ADGRE2: variants seen among roughly 807,000 people sequenced by gnomAD.
ADGRE2 encodes the protein CD97 antigen.
ADGRE2 carries 83 observed loss-of-function variants against 100.8 expected under a neutral mutation model. The ratio of observed to expected loss-of-function variants is 0.82; its 90% confidence interval spans 0.69 to 0.99. The LOEUF (loss-of-function observed/expected upper bound fraction) is 0.99. Among genes scored for constraint, ADGRE2 ranks in the 50% least tolerant of loss-of-function variants. The pLI is 0.00. For synonymous variants in ADGRE2, 355 were observed against 413.0 expected (o/e 0.86, Z 1.70); for missense variants, 814 against 1,035.7 (o/e 0.79, Z 2.94).
intron 11 of ADGRE2, among the ~76,000 whole-genome samples, chr19:14,760,459 A>G (rs186740726): frequency 8.2e-4 from 125 of 152,268 alleles, no homozygotes; most frequent in Middle Eastern, 3.4e-3. Context: ...GCTGCTTTGG[A>G]AAAAGTTTGG....
intron 20 of ADGRE2, chr19:14,742,028 A>T (rs975305596): frequency 1.5e-5 from 6 of 398,386 alleles, no homozygotes; most frequent in Non-Finnish European, 2.2e-5. Context: ...GGCTCAAGTG[A>T]TCTTCCTGCT....
chr19:14,764,595 G>A lies in ADGRE2; in HGVS notation c.922C>T (p.Leu308=). ...CCAGGGGCCTCCAGCAGCTCATCCAGCGCCTGTAAGATGCTCTGGAGGGAT... is the reference window on the plus strand; with the variant it reads ...CCAGGGGCCTCCAGCAGCTCATCCAACGCCTGTAAGATGCTCTGGAGGGAT... The part of the protein sequence containing the change: ...NNTIQSILQA[L]DELLEAPGDL... The change falls in exon 11 of 21, where the codon CTG becomes TTG. Residue 308 remains leucine (L), a synonymous_variant. Coordinates refer to ENST00000315576, the MANE Select transcript of ADGRE2 (RefSeq NM_013447.4). 6.2e-7 allele frequency: 1 copy of A among 1,612,166 alleles called. No individual in the cohort carries two copies. Among genetic ancestry groups the A allele is most frequent in the Middle Eastern group, 1.7e-4 (1 of 5,906 alleles).
chr19:14,730,204 G>A (rs573778337), downstream of ADGRE2, among the ~76,000 whole-genome samples: 55 of 152,164 alleles, frequency 3.6e-4, no homozygotes, highest in Non-Finnish European at 6.8e-4. Flanking sequence ...ACAGGTGCCC[G>A]TGACCATGCC....
intron 3 of ADGRE2, 36 bp from the exon 4 acceptor site, chr19:14,774,090 G>A (rs761810321): frequency 6.3e-7 from 1 of 1,591,062 alleles, no homozygotes; most frequent in Admixed American, 1.7e-5. Context: ...AAGGTGAGGG[G>A]TAAGGGAATA....
At chr19:14,758,458 C>T (rs916742394) in intron 11 of ADGRE2, among the ~76,000 whole-genome samples, 3 of 152,194 alleles carry the variant, frequency 2.0e-5, no homozygotes, top group Non-Finnish European at 4.4e-5. Flanking sequence ...CAAATCAAAA[C>T]CACAATGAGG....
intron 20 of ADGRE2, among the ~76,000 whole-genome samples, chr19:14,737,030 A>G (rs2042779054): frequency 7.0e-6 from 1 of 142,072 alleles, no homozygotes; most frequent in Non-Finnish European, 1.6e-5. Context: ...TTGTGCCACA[A>G]AAATAAGTAA....
At position 14,755,053 on chromosome 19, in the gene ADGRE2, G is replaced by C. The variant is rs1168604425; in HGVS notation, c.1491C>G (p.Thr497=). ...HGQNGCGHWA[T]TGCSTIGTRD... is the part of the protein sequence containing the mutation. The stretch of plus-strand genomic sequence containing the variant: ...TGGTGCCTATTGTGCTGCAGCCTGT[G>C]GTGGCCCAGTGACCACATCCATTCT... The change falls in exon 14 of 21, where the codon ACC becomes ACG. Residue 497 remains threonine (T), a synonymous_variant. Coordinates refer to ENST00000315576, the MANE Select transcript of ADGRE2 (RefSeq NM_013447.4). The C allele has an allele frequency of 1.2e-6, 2 of 1,614,006 alleles. No homozygotes were observed. Among genetic ancestry groups the C allele is most frequent in the Non-Finnish European group, 1.7e-6 (2 of 1,180,018 alleles).
chr19:14,747,836 C>T (rs2043138083), intron 16 of ADGRE2, among the ~76,000 whole-genome samples: 1 of 152,132 alleles, frequency 6.6e-6, no homozygotes, highest in South Asian at 2.1e-4. Context: ...TGAATGGTCT[C>T]TTAACGTTCC....
rs781415834 is a variant in ADGRE2, at chr19:14,766,295, G to A, written c.574C>T (p.Arg192Cys). 54 of 1,613,946 alleles carry A rather than the reference G, an allele frequency of 3.3e-5. No individual in the cohort carries two copies. The highest frequency in any genetic ancestry group is 4.2e-5 in the Non-Finnish European group (49 of 1,180,040). ...CCCGGAATCGGTTGCCAGCCCGGGC[G>A]GCAGCGGCACTGATAGCTGCCCACG... is the stretch of plus-strand genomic sequence containing the variant. ...NNVGSYQCRC[R>C]PGWQPIPGSP... Residue 192 changes from arginine to cysteine, a missense_variant, in exon 7 of 21, where the codon CGC (arginine) becomes TGC (cysteine). Physicochemically the swap from Arg to Cys is radical, Grantham distance 180. Coordinates refer to ENST00000315576, the MANE Select transcript of ADGRE2 (RefSeq NM_013447.4).
At chr19:14,743,819 C>G (rs987869679) in intron 18 of ADGRE2, 35 bp from the exon 19 acceptor site, 1 of 1,603,750 alleles carries the variant, frequency 6.2e-7, no homozygotes, top group East Asian at 2.2e-5. Context: ...GGTGATGCAC[C>G]CAGAGAAAGA....
rs1324366163 is a variant in ADGRE2, at chr19:14,751,621, G to C, written c.1839C>G (p.Thr613=). The change falls in exon 16 of 21, where the codon ACC becomes ACG. Residue 613 remains threonine, a synonymous_variant. Coordinates refer to ENST00000315576, the MANE Select transcript of ADGRE2 (RefSeq NM_013447.4). ...GGGCCTCCAGCAGCATCCAGGTCAAGGTGGCCAGGTAGAGATAGTGCAAGG... is the reference window on the plus strand; with the variant it reads ...GGGCCTCCAGCAGCATCCAGGTCAACGTGGCCAGGTAGAGATAGTGCAAGG... The part of the protein sequence containing the change: ...AGTLHYLYLA[T]LTWMLLEALY... 1.2e-6 allele frequency: 2 copies of C among 1,614,016 alleles called. No individual in the cohort carries two copies. Among genetic ancestry groups the C allele is most frequent in the Admixed American group, 3.3e-5 (2 of 59,982 alleles).
At chr19:14,757,040 C>G (rs894071770) in intron 11 of ADGRE2, among the ~76,000 whole-genome samples, 10 of 151,982 alleles carry the variant, frequency 6.6e-5, no homozygotes, top group Admixed American at 5.9e-4. Flanking sequence ...GTAGCTGGCA[C>G]TACAGGTGCT....
intron 4 of ADGRE2, among the ~76,000 whole-genome samples, chr19:14,773,027 C>T (rs964762626): frequency 6.6e-5 from 9 of 135,808 alleles, no homozygotes; most frequent in African/African-American, 2.5e-4. Context: ...TGCGGTGAGC[C>T]GAGATCGCGC....
rs1395041344 is a variant in ADGRE2 at position 14,765,392 on chromosome 19, A to G, written c.834T>C (p.Leu278=). 3.1e-6 allele frequency: 5 copies of G among 1,614,150 alleles called. No individual in the cohort carries two copies. The highest frequency in any genetic ancestry group is 4.2e-6 in the Non-Finnish European group (5 of 1,180,016). The change falls in exon 10 of 21, where the codon CTT becomes CTC. Residue 278 remains leucine, a synonymous_variant. Coordinates refer to ENST00000315576, the MANE Select transcript of ADGRE2 (RefSeq NM_013447.4). ...TPPPGVHSQT[L]SRFFDKVQDL... ...CCTGGACTTTGTCGAAGAATCGGGA[A>G]AGCGTCTGCAGAGAGAGGAGATGTG...
In ADGRE2 at chr19:14,743,696, C is replaced by T; in HGVS notation, c.2272G>A (p.Val758Ile). Residue 758 changes from valine to isoleucine, a missense_variant, in exon 19 of 21, where the codon GTC becomes ATC. Physicochemically the swap from Val to Ile is conservative, Grantham distance 29 (BLOSUM62 3). This residue lies in a region of ADGRE2 where 569 missense variants were observed against 692.7 expected (regional missense o/e 0.82). Transcript: ENST00000315576. ...GILQVGPAAR[V>I]MAYLFTIINS... ...ATGATGGTGAAGAGGTAGGCCATGA[C>T]CCGGGCAGCCGGACCCACCTGCAAG... is the stretch of plus-strand genomic sequence containing the variant. The T allele has an allele frequency of 1.2e-6, 2 of 1,614,176 alleles. No homozygotes were observed. Among genetic ancestry groups the T allele is most frequent in the Non-Finnish European group, 8.5e-7 (1 of 1,180,020 alleles).
intron 10 of ADGRE2, among the ~76,000 whole-genome samples, chr19:14,765,105 T>C (rs3795033): frequency 0.2 from 30,107 of 152,192 alleles, 3,289 homozygotes; most frequent in African/African-American, 0.29. Flanking sequence ...GCAATATCAA[T>C]GCTGACCTAA....
chr19:14,752,981 A>G (rs1476264969), intron 14 of ADGRE2, among the ~76,000 whole-genome samples: 1 of 152,084 alleles, frequency 6.6e-6, no homozygotes, highest in East Asian at 1.9e-4. Context: ...CATGTTGGCC[A>G]GGCTGGTCTT....
In ADGRE2 at chr19:14,755,766, C is replaced by T. The variant is rs1480931719; in HGVS notation, c.1304G>A (p.Gly435Asp). 1 of 1,614,212 alleles carries T rather than the reference C, an allele frequency of 6.2e-7. No homozygotes were observed. Among genetic ancestry groups the T allele is most frequent in the Non-Finnish European group, 8.5e-7 (1 of 1,180,050 alleles). ...GATGGGGGAGCCGTCCTGCAGCAAG[C>T]CCTGGTGTGTCTCATGCAGAAGCAT... The part of the protein sequence containing the change: ...KQMLLHETHQ[G>D]LLQDGSPILL... Residue 435 changes from glycine (G) to aspartate (D), a missense_variant, in exon 13 of 21, where the codon GGC becomes GAC. This residue lies in a region of ADGRE2 where 569 missense variants were observed against 692.7 expected (regional missense o/e 0.82). Coordinates refer to ENST00000315576, the MANE Select transcript of ADGRE2 (RefSeq NM_013447.4).
At position 14,743,928 on chromosome 19, in the gene ADGRE2, A is replaced by G. The variant is rs10221528; in HGVS notation, c.2184-144T>C. On this transcript the variant is annotated intron_variant, in intron 18 of 20. Transcript: ENST00000315576. ...TGGTCAGCTTAGATATTTACTGTCA[A>G]CTATAGCCCACAGTAGAAATGCCAC... The G allele has an allele frequency of 0.027, 21,328 of 784,800 alleles. 3,347 individuals carry two copies. In the African/African-American group the frequency reaches 0.34, roughly 12 times the overall value. 48.6% of individuals were successfully genotyped at this position (784,800 alleles called of 1,614,324 possible).
Sources: allele counts gnomAD v4.1 joint callset (sites outside exome capture counted in the v4.1 genomes callset), GRCh38; gene constraint gnomAD v4.1.1; regional missense constraint gnomAD v4.1.1; transcripts MANE v1.5; gene names NCBI Gene and HGNC (gene_info 2026-07-23, HGNC 2026-07-21).